Variants in NDUFS4 observed in about 807,000 individuals in gnomAD.
NDUFS4 encodes NADH:ubiquinone oxidoreductase subunit S4.
Under a neutral mutation model 24.3 loss-of-function variants are expected in NDUFS4, and 28 were observed. That is an observed-to-expected ratio of 1.15 (90% confidence interval 0.85 to 1.58). The LOEUF is 1.58. NDUFS4 is among the 40% of genes most tolerant of loss of function. The probability of loss-of-function intolerance (pLI) is 0.00; values close to 1 mark genes in which losing one functional copy is unlikely to be tolerated. For synonymous variants in NDUFS4, 93 were observed against 69.7 expected (o/e 1.34, Z -1.67); for missense variants, 223 against 207.9 (o/e 1.07, Z -0.45).
At chr5:53,633,204 GAGA>G (rs1751456691) in intron 2 of NDUFS4, among the ~76,000 whole-genome samples, 1 of 152,168 alleles carries the variant, frequency 6.6e-6, no homozygotes, top group Non-Finnish European at 1.5e-5. Flanking sequence ...TGAATACTTT[GAGA>G]AGATGATAAA....
At chr5:53,626,615 A>G (rs528910271) in intron 2 of NDUFS4, among the ~76,000 whole-genome samples, 1 of 152,226 alleles carries the variant, frequency 6.6e-6, no homozygotes, top group African/African-American at 2.4e-5. Context: ...TTTGATTTGC[A>G]TTTCTCTAAT....
chr5:53,680,487 A>G (rs1407819088), intron 4 of NDUFS4, among the ~76,000 whole-genome samples: 2 of 152,232 alleles, frequency 1.3e-5, no homozygotes, highest in Non-Finnish European at 2.9e-5. Context: ...AGTGGCACAT[A>G]TACACCATGG....
intron 2 of NDUFS4, among the ~76,000 whole-genome samples, chr5:53,643,954 G>A (rs900104398): frequency 6.6e-6 from 1 of 152,130 alleles, no homozygotes; most frequent in Non-Finnish European, 1.5e-5. Flanking sequence ...GAGAAGACAT[G>A]GAAGATTGGT....
intron 2 of NDUFS4, among the ~76,000 whole-genome samples, chr5:53,634,908 G>T (rs1055481340): frequency 6.6e-6 from 1 of 151,988 alleles, no homozygotes; most frequent in Non-Finnish European, 1.5e-5. Flanking sequence ...GAAAAATCTG[G>T]CTGGGTGTGG....
At chr5:53,582,428 A>G (rs774611504) in intron 1 of NDUFS4, among the ~76,000 whole-genome samples, 1 of 152,058 alleles carries the variant, frequency 6.6e-6, no homozygotes, top group Non-Finnish European at 1.5e-5. Context: ...GGCACACTCA[A>G]ACATACCCAC....
chr5:53,581,499 A>G lies in NDUFS4; in HGVS notation c.98+20739A>G, dbSNP rs571599192. Among the ~76,000 whole-genome samples the G allele has an allele frequency of 5.9e-5, 9 of 152,132 alleles. No homozygotes were observed. The East Asian group carries it at 1.2e-3, about 20-fold the overall frequency. On this transcript the variant is annotated intron_variant, in intron 1 of 4. Coordinates refer to ENST00000296684, the MANE Select transcript of NDUFS4 (RefSeq NM_002495.4). Reference sequence around the variant, plus strand: ...CAATCTCCAGCTGTACATAAACTCTATATTTTAGTATTTCTCAACTGCTTG... The same window carrying G: ...CAATCTCCAGCTGTACATAAACTCTGTATTTTAGTATTTCTCAACTGCTTG...
rs192420552 is a variant in NDUFS4, at chr5:53,630,244, G to C, written c.178-15989G>C. Among the ~76,000 whole-genome samples the C allele has an allele frequency of 2.5e-4, 38 of 152,312 alleles. No individual in the cohort carries two copies. The East Asian group carries it at 6.8e-3, about 27-fold the overall frequency. ...CTGGCTTGTAGGGTTTCTGCTGAGA[G>C]ATCTGCTGTTAGTCTGATGGGCTTC... On this transcript the variant is annotated intron_variant, in intron 2 of 4. Transcript: ENST00000296684.
intron 1 of NDUFS4, among the ~76,000 whole-genome samples, chr5:53,595,870 A>G (rs1750118192): frequency 6.6e-6 from 1 of 152,190 alleles, no homozygotes; most frequent in African/African-American, 2.4e-5. Flanking sequence ...AAGAATGAGA[A>G]AAATAATCCT....
At chr5:53,586,747 T>TCTCCTGACCTTGTGATCCGC (rs1749770365) in intron 1 of NDUFS4, among the ~76,000 whole-genome samples, 1 of 151,782 alleles carries the variant, frequency 6.6e-6, no homozygotes, top group Admixed American at 6.6e-5. Context: ...ATGGTCTTGA[T>TCTCCTGACCTTGTGATCCGC]CTCCTGACCT....
intron 2 of NDUFS4, among the ~76,000 whole-genome samples, chr5:53,609,156 A>G (rs957542139): frequency 2.6e-5 from 4 of 152,198 alleles, no homozygotes; most frequent in East Asian, 1.9e-4. Context: ...TGAATGGGGA[A>G]TCCTTTCCGG....
At chr5:53,630,222 G>T (rs1437592842) in intron 2 of NDUFS4, among the ~76,000 whole-genome samples, 3 of 152,138 alleles carry the variant, frequency 2.0e-5, no homozygotes, top group Non-Finnish European at 4.4e-5. Context: ...CTCTCTTCTG[G>T]CTTGTAGGGT....
intron 2 of NDUFS4, among the ~76,000 whole-genome samples, chr5:53,620,124 TA>T (rs113536744): frequency 1.3e-3 from 190 of 142,928 alleles, no homozygotes; most frequent in Admixed American, 1.5e-3. Flanking sequence ...TCAAAAAATG[TA>T]AAAAAAAAAA....
intron 4 of NDUFS4, among the ~76,000 whole-genome samples, chr5:53,676,341 C>T (rs139282702): frequency 1.1e-4 from 17 of 152,264 alleles, no homozygotes; most frequent in East Asian, 1.9e-4. Context: ...TCTTATCCCT[C>T]GGGATATACA....
intron 4 of NDUFS4, among the ~76,000 whole-genome samples, chr5:53,664,344 G>A (rs755925095): frequency 1.2e-4 from 18 of 152,044 alleles, no homozygotes; most frequent in Non-Finnish European, 1.9e-4. Flanking sequence ...TCTTTGTGGC[G>A]TTCTCTGTAT....
At chr5:53,664,728 T>C (rs1011321652) in intron 4 of NDUFS4, among the ~76,000 whole-genome samples, 1 of 152,090 alleles carries the variant, frequency 6.6e-6, no homozygotes, top group Non-Finnish European at 1.5e-5. Flanking sequence ...AGTTAGCCAT[T>C]TGTCTAATTT....
At chr5:53,565,113 T>C (rs1220174802) in intron 1 of NDUFS4, among the ~76,000 whole-genome samples, 1 of 152,192 alleles carries the variant, frequency 6.6e-6, no homozygotes, top group East Asian at 1.9e-4. Flanking sequence ...TCTCCTGTGT[T>C]TTGTCATATT....
chr5:53,630,127 C>T (rs1310473602), intron 2 of NDUFS4, among the ~76,000 whole-genome samples: 2 of 152,170 alleles, frequency 1.3e-5, no homozygotes, highest in Non-Finnish European at 2.9e-5. Flanking sequence ...TTTATTTCTC[C>T]TTCACTTATG....
At chr5:53,678,998 A>AGAT (rs1740567053) in intron 4 of NDUFS4, among the ~76,000 whole-genome samples, 1 of 152,178 alleles carries the variant, frequency 6.6e-6, no homozygotes, top group African/African-American at 2.4e-5. Flanking sequence ...AAATGTGATC[A>AGAT]GATTCTTAAC....
intron 2 of NDUFS4, among the ~76,000 whole-genome samples, chr5:53,638,885 A>G (rs1751630179): frequency 6.6e-6 from 1 of 152,064 alleles, no homozygotes; most frequent in African/African-American, 2.4e-5. Flanking sequence ...AGCTATAGCT[A>G]ATGTTAATAA....
Sources: gnomAD v4.1 joint callset for allele counts (sites outside exome capture counted in the v4.1 genomes callset) on GRCh38, gnomAD v4.1.1 for gene constraint, MANE v1.5 for transcripts, NCBI Gene and HGNC (gene_info 2026-07-23, HGNC 2026-07-21) for gene names.